The following LHFPL3 variants were observed in gnomAD, a reference collection of about 807,000 sequenced individuals.
LHFPL3 encodes LHFPL tetraspan subfamily member 3.
LHFPL3 carries 5 observed loss-of-function variants against 19.3 expected under a neutral mutation model. The ratio of observed to expected loss-of-function variants is 0.26; its 90% CI spans 0.14 to 0.54. LHFPL3 has a LOEUF of 0.54. Ranked by LOEUF, LHFPL3 falls within the 20% of genes least tolerant of loss-of-function variation. The probability of loss-of-function intolerance (pLI) is 0.94; values close to 1 mark genes in which losing one functional copy is unlikely to be tolerated. For synonymous variants in LHFPL3, 133 were observed against 126.2 expected (o/e 1.05, Z -0.36); for missense variants, 249 against 307.4 (o/e 0.81, Z 1.42).
In LHFPL3 at chr7:104,603,248, T is replaced by G. The variant is rs968949693; in HGVS notation, c.446-133427T>G. 2.0e-5 allele frequency among the ~76,000 whole-genome samples: 3 copies of G among 151,436 alleles called. No homozygotes were observed. In the Admixed American group the frequency reaches 2.0e-4, roughly 10 times the overall value. On this transcript the variant is annotated intron_variant, in intron 1 of 2. Coordinates refer to ENST00000424859, the MANE Select transcript of LHFPL3 (RefSeq NM_199000.3). ...TCTTGCTTTGTTGCCCCAGCTGGAG[T>G]ACAGTGACACAATCACAGCTCACTG... is the stretch of plus-strand genomic sequence containing the variant.
intron 2 of LHFPL3, among the ~76,000 whole-genome samples, chr7:104,865,441 T>C (rs1181218210): frequency 6.6e-6 from 1 of 152,120 alleles, no homozygotes; most frequent in Non-Finnish European, 1.5e-5. Flanking sequence ...CAAGCCTCAG[T>C]AGCCGATTCG....
At chr7:104,573,865 A>T (rs1469755670) in intron 1 of LHFPL3, among the ~76,000 whole-genome samples, 1 of 152,162 alleles carries the variant, frequency 6.6e-6, no homozygotes, top group Non-Finnish European at 1.5e-5. Flanking sequence ...TCCCCATCTA[A>T]GCTTTCTCCT....
intron 1 of LHFPL3, among the ~76,000 whole-genome samples, chr7:104,343,803 G>A (rs1254692610): frequency 6.6e-6 from 1 of 151,786 alleles, no homozygotes; most frequent in East Asian, 1.9e-4. Flanking sequence ...CCACTCCCCT[G>A]ATTACATCCC....
intron 1 of LHFPL3, among the ~76,000 whole-genome samples, chr7:104,589,424 G>A (rs151027348): frequency 0.13 from 20,385 of 152,138 alleles, 1,428 homozygotes; most frequent in Non-Finnish European, 0.14. Flanking sequence ...TTATTGATTT[G>A]CATATATTGA....
intron 2 of LHFPL3, among the ~76,000 whole-genome samples, chr7:104,821,880 A>C (rs1790682416): frequency 6.6e-6 from 1 of 152,218 alleles, no homozygotes. Flanking sequence ...AAGTAGTGTA[A>C]TCAAAGGTCA....
At chr7:104,822,515 C>G (rs1584554404) in intron 2 of LHFPL3, among the ~76,000 whole-genome samples, 1 of 152,174 alleles carries the variant, frequency 6.6e-6, no homozygotes. Flanking sequence ...GCCAACAGTC[C>G]TGGCCTCCCC....
chr7:104,425,636 C>T (rs2116544161), intron 1 of LHFPL3, among the ~76,000 whole-genome samples: 1 of 152,292 alleles, frequency 6.6e-6, no homozygotes, highest in South Asian at 2.1e-4. Context: ...CTTGAATATT[C>T]AGCTTTCCTC....
intron 2 of LHFPL3, among the ~76,000 whole-genome samples, chr7:104,781,452 C>T (rs1482149167): frequency 6.6e-6 from 1 of 152,104 alleles, no homozygotes; most frequent in Non-Finnish European, 1.5e-5. Flanking sequence ...CACACTGGGA[C>T]ATCCCCTCTG....
intron 2 of LHFPL3, among the ~76,000 whole-genome samples, chr7:104,740,185 C>G (rs1348577276): frequency 6.6e-6 from 1 of 152,126 alleles, no homozygotes; most frequent in Non-Finnish European, 1.5e-5. Context: ...CTGAGGCCTC[C>G]CCAGCAATGT....
intron 1 of LHFPL3, among the ~76,000 whole-genome samples, chr7:104,473,874 A>G (rs1478631127): frequency 6.6e-6 from 1 of 152,268 alleles, no homozygotes; most frequent in African/African-American, 2.4e-5. Flanking sequence ...GAGAATCAGT[A>G]AAAGTAAAAA....
intron 1 of LHFPL3, among the ~76,000 whole-genome samples, chr7:104,347,135 C>T (rs1237353819): frequency 6.6e-6 from 1 of 151,902 alleles, no homozygotes; most frequent in African/African-American, 2.4e-5. Flanking sequence ...ATCACCATCG[C>T]CATTGTCTTA....
At chr7:104,734,061 C>A (rs569319128) in intron 1 of LHFPL3, among the ~76,000 whole-genome samples, 21 of 152,330 alleles carry the variant, frequency 1.4e-4, no homozygotes, top group African/African-American at 4.8e-4. Context: ...CCACTCTCTT[C>A]TGGCTTGTAG....
chr7:104,447,933 G>A (rs983762613), intron 1 of LHFPL3, among the ~76,000 whole-genome samples: 4 of 152,168 alleles, frequency 2.6e-5, no homozygotes, highest in Non-Finnish European at 4.4e-5. Flanking sequence ...TGCGATTTTT[G>A]TGGGTCAAAA....
At chr7:104,704,470 T>C (rs1793152417) in intron 1 of LHFPL3, among the ~76,000 whole-genome samples, 1 of 152,188 alleles carries the variant, frequency 6.6e-6, no homozygotes, top group South Asian at 2.1e-4. Context: ...ATTATACTTT[T>C]GGTCTTCTAT....
chr7:104,557,658 TTTTTTA>T (rs1035845934), intron 1 of LHFPL3, among the ~76,000 whole-genome samples: 4 of 152,230 alleles, frequency 2.6e-5, no homozygotes, highest in Non-Finnish European at 4.4e-5. Flanking sequence ...CTGTTTTTTA[TTTTTTA>T]TTTTTATTTT....
chr7:104,540,697 A>C (rs898374534), intron 1 of LHFPL3, among the ~76,000 whole-genome samples: 2 of 152,208 alleles, frequency 1.3e-5, no homozygotes, highest in African/African-American at 4.8e-5. Context: ...TTTAACCATC[A>C]CAATGACCCT....
At chr7:104,680,793 G>T (rs11770573) in intron 1 of LHFPL3, among the ~76,000 whole-genome samples, 5,962 of 152,234 alleles carry the variant, frequency 0.039, 142 homozygotes, top group African/African-American at 0.052. Context: ...CATGATGGGG[G>T]TAAAAGAAGA....
chr7:104,643,487 T>C (rs1014643273), intron 1 of LHFPL3, among the ~76,000 whole-genome samples: 1 of 152,200 alleles, frequency 6.6e-6, no homozygotes, highest in Admixed American at 6.5e-5. Context: ...ACACTGTATA[T>C]TTTTGTATGG....
In LHFPL3 at chr7:104,329,002, C is replaced by G; in HGVS notation, c.223C>G (p.Leu75Val). The part of the protein sequence containing the change: ...VDTPQAGYFG[L>V]FHYCIGNGFS... ...CACCCCGCAAGCCGGCTATTTCGGGCTCTTCCACTACTGCATCGGCAACGG... is the reference window on the plus strand; with the variant it reads ...CACCCCGCAAGCCGGCTATTTCGGGGTCTTCCACTACTGCATCGGCAACGG... The change falls in exon 1 of 3, where the codon CTC (leucine) becomes GTC (valine). Residue 75 changes from leucine to valine, a missense_variant. Leu to Val is a conservative substitution (Grantham distance 32). Transcript: ENST00000424859. 6.2e-7 allele frequency: 1 copy of G among 1,614,140 alleles called. No individual in the cohort carries two copies. Among genetic ancestry groups the G allele is most frequent in the Non-Finnish European group, 8.5e-7 (1 of 1,179,978 alleles).
Sources: gnomAD v4.1 joint callset for allele counts (sites outside exome capture counted in the v4.1 genomes callset) on GRCh38, gnomAD v4.1.1 for gene constraint, MANE v1.5 for transcripts, NCBI Gene and HGNC (gene_info 2026-07-23, HGNC 2026-07-21) for gene names.